DDX39B: variants seen among roughly 807,000 people sequenced by gnomAD.
The protein encoded by DDX39B is spliceosome RNA helicase DDX39B.
In DDX39B, 6 loss-of-function variants were observed where a neutral mutation model predicts 46.4. The ratio of observed to expected loss-of-function variants is 0.13; its 90% CI spans 0.07 to 0.26. The LOEUF is 0.26. DDX39B is among the 10% of genes least tolerant of loss of function. The probability of loss-of-function intolerance (pLI) is 1.00; values close to 1 mark genes in which losing one functional copy is unlikely to be tolerated. For synonymous variants in DDX39B, 174 were observed against 199.4 expected, an observed-to-expected ratio of 0.87 and a Z score of 1.07; for missense variants, 185 against 553.4, an observed-to-expected ratio of 0.33 and a Z score of 6.68.
intron 1 of DDX39B, chr6:31,541,693 G>A: frequency 1.9e-6 from 1 of 530,456 alleles, no homozygotes; most frequent in Non-Finnish European, 3.8e-6. Flanking sequence ...AATATGAGAA[G>A]AACCCATTGG....
chr6:31,540,939 G>T (rs1291995064), intron 1 of DDX39B: 1 of 414,530 alleles, frequency 2.4e-6, no homozygotes, highest in African/African-American at 2.1e-5. Context: ...TTCTTGATCT[G>T]AAAGTAACAG....
At chr6:31,532,258 A>G (rs1484989817) in intron 7 of DDX39B, among the ~76,000 whole-genome samples, 1 of 152,182 alleles carries the variant, frequency 6.6e-6, no homozygotes, top group Non-Finnish European at 1.5e-5. Flanking sequence ...GGACTTTTGG[A>G]GACAAGATCT....
At position 31,531,028 on chromosome 6, in the gene DDX39B, G is replaced by A. The variant is rs1767102309; in HGVS notation, c.1122+25C>T. On this transcript the variant is annotated intron_variant, in intron 9 of 10. Coordinates refer to ENST00000396172, the MANE Select transcript of DDX39B (RefSeq NM_004640.7). This position sits in a 1 kb window ranked among gnomAD's most constrained non-coding sequence, Gnocchi z 5.8. ...AGAAAACAAGGGAATGGGAGAGTGGGATTTTTTCAGCCTGTGAGGTTTACC... is the reference window on the plus strand; with the variant it reads ...AGAAAACAAGGGAATGGGAGAGTGGAATTTTTTCAGCCTGTGAGGTTTACC... The A allele has an allele frequency of 1.9e-6, 3 of 1,613,840 alleles. No individual in the cohort carries two copies. The African/African-American group carries it at 4.0e-5, about 22-fold the overall frequency.
At chr6:31,541,266 G>A (rs77639798) in intron 1 of DDX39B, 1 of 525,772 alleles carries the variant, frequency 1.9e-6, no homozygotes, top group African/African-American at 1.9e-5. Flanking sequence ...ATTAGCATGG[G>A]GGGGAGGGGC....
chr6:31,539,098 C>T (rs3219187), intron 3 of DDX39B, 49 bp downstream of exon 3: 1 of 1,613,524 alleles, frequency 6.2e-7, no homozygotes, highest in Non-Finnish European at 8.5e-7. Flanking sequence ...ACACCCTTCC[C>T]TTATAGTCCT....
intron 4 of DDX39B, among the ~76,000 whole-genome samples, chr6:31,537,164 G>A (rs1240728361): frequency 6.6e-6 from 1 of 152,028 alleles, no homozygotes; most frequent in African/African-American, 2.4e-5. Flanking sequence ...AGTGGCTCAC[G>A]CCTGTAATCC....
At chr6:31,539,458 T>C (rs1481953271) in intron 2 of DDX39B, among the ~76,000 whole-genome samples, 184 bp from the exon 3 acceptor site, 2 of 152,100 alleles carry the variant, frequency 1.3e-5, no homozygotes, top group African/African-American at 4.8e-5. Flanking sequence ...AAAATCAGAC[T>C]CTCCTAATTC....
Position 31,540,441 on chromosome 6 carries a change from G to C in DDX39B, c.92C>G (p.Ala31Gly), listed in dbSNP as rs375215990. 115 of 1,614,026 alleles carry C rather than the reference G, an allele frequency of 7.1e-5. 1 individual carries two copies. The highest frequency in any genetic ancestry group is 9.5e-5 in the Non-Finnish European group (112 of 1,180,038). The change falls in exon 2 of 11, where the codon GCC becomes GGC. Residue 31 changes from alanine to glycine, a missense_variant. By Grantham distance (60) the Ala-to-Gly change is moderately conservative. Transcript: ENST00000396172. ...ATAGGAGCCCTTGACATCCTTCTTG[G>C]CAGGGGCCTCAGCCCCATCTCCCCC... ...AAGGDGAEAPAKKDVKGSYVS... is the reference protein window; with the variant it reads ...AAGGDGAEAPGKKDVKGSYVS...
In DDX39B at chr6:31,534,420, A is replaced by G. The variant is rs1387408620; in HGVS notation, c.735+947T>C. ...TGCAGGGAGGGGAAGAACACACTCC[A>G]CTGCTTATGCAATTGGCCCCACCTA... is the stretch of plus-strand genomic sequence containing the variant. On this transcript the variant is annotated intron_variant, in intron 6 of 10. Coordinates refer to ENST00000396172, the MANE Select transcript of DDX39B (RefSeq NM_004640.7). The surrounding 1 kb of genome is among the most constrained non-coding windows in gnomAD (Gnocchi z 5.1). 2.1e-6 allele frequency: 1 copy of G among 465,952 alleles called. No individual in the cohort carries two copies. Among genetic ancestry groups the G allele is most frequent in the African/African-American group, 2.0e-5 (1 of 49,590 alleles). 28.9% of individuals were successfully genotyped at this position (465,952 alleles called of 1,614,324 possible).
Position 31,530,517 on chromosome 6 carries a change from G to A in DDX39B, c.1271-67C>T. On this transcript the variant is annotated intron_variant, in intron 10 of 10. Coordinates refer to ENST00000396172, the MANE Select transcript of DDX39B (RefSeq NM_004640.7). The surrounding 1 kb of genome is among the most constrained non-coding windows in gnomAD (Gnocchi z 4.5). The stretch of plus-strand genomic sequence containing the variant: ...GGGGAAAGTGAGGCAGGAACACACG[G>A]CACACATGCAGACACTGGTGTACTG... 6.2e-7 allele frequency: 1 copy of A among 1,602,732 alleles called. No homozygotes were observed. Among genetic ancestry groups the A allele is most frequent in the Non-Finnish European group, 8.5e-7 (1 of 1,171,358 alleles).
rs1203059041 is a variant in DDX39B, at chr6:31,535,051, G to C, written c.735+316C>G. The C allele has an allele frequency of 4.7e-6, 2 of 425,890 alleles. No homozygotes were observed. The highest frequency in any genetic ancestry group is 4.5e-5 in the East Asian group (1 of 22,040). The allele number at this position is 425,890 out of a possible 1,614,324, so 26.4% of individuals were successfully genotyped here. A position where few individuals can be genotyped will look rare whatever the true frequency, so the allele number is the denominator to read the frequency against. ...TGCATGTAAGAGACGATGGATGGGT[G>C]GGTGGTAGGGCAGAAAAATCCTGCC... On this transcript the variant is annotated intron_variant, in intron 6 of 10. Transcript: ENST00000396172. The surrounding 1 kb of genome is among the most constrained non-coding windows in gnomAD (Gnocchi z 4.6).
chr6:31,532,921 AGGAAGGGGGTGG>A lies in DDX39B; in HGVS notation c.736-22_736-11del. Reference sequence around the variant, plus strand: ...CGAAGATCTCCATTGGCTGGGGGGGAGGAAGGGGGTGGGGAACGGGAGGAGGGCAGAGTGGGG... The same window carrying A: ...CGAAGATCTCCATTGGCTGGGGGGGAGGAACGGGAGGAGGGCAGAGTGGGG... On this transcript the variant is annotated splice_polypyrimidine_tract_variant and intron_variant, in intron 6 of 10. Transcript: ENST00000396172. 1 of 550,624 alleles carries A rather than the reference AGGAAGGGGGTGG, an allele frequency of 1.8e-6. No individual in the cohort carries two copies. Among genetic ancestry groups the A allele is most frequent in the Non-Finnish European group, 2.7e-6 (1 of 375,192 alleles). The allele number at this position is 550,624 out of a possible 1,614,324, so 34.1% of individuals were successfully genotyped here.
rs1026793121 is a variant in DDX39B, at chr6:31,534,625, A to G, written c.735+742T>C. Reference sequence around the variant, plus strand: ...GGCACGGCACGCGTTGGGTTCAGGAAAAAAACCGGGAACGGAAAAAGAGGC... The same window carrying G: ...GGCACGGCACGCGTTGGGTTCAGGAGAAAAACCGGGAACGGAAAAAGAGGC... On this transcript the variant is annotated intron_variant, in intron 6 of 10. Transcript: ENST00000396172. The surrounding 1 kb of genome is among the most constrained non-coding windows in gnomAD (Gnocchi z 5.1). The G allele has an allele frequency of 5.3e-6, 2 of 380,150 alleles. No individual in the cohort carries two copies. Among genetic ancestry groups the G allele is most frequent in the African/African-American group, 2.1e-5 (1 of 46,902 alleles). 23.5% of individuals were successfully genotyped at this position (380,150 alleles called of 1,614,324 possible).
intron 2 of DDX39B, 112 bp downstream of exon 2, chr6:31,540,210 T>G (rs12665489): frequency 0.022 from 27,280 of 1,222,924 alleles, 728 homozygotes; most frequent in South Asian, 0.1. Context: ...CACCTGGCCC[T>G]GATCTAGCCT....
At chr6:31,540,246 G>C (rs1768255161) in intron 2 of DDX39B, 76 bp downstream of exon 2, 2 of 1,498,670 alleles carry the variant, frequency 1.3e-6, no homozygotes, top group Non-Finnish European at 1.9e-6. Context: ...ACCACCACCT[G>C]AGCAACGACA....
chr6:31,531,396 A>G lies in DDX39B; in HGVS notation c.877T>C (p.Phe293Leu). 1 of 1,614,016 alleles carries G rather than the reference A, an allele frequency of 6.2e-7. No homozygotes were observed. The highest frequency in any genetic ancestry group is 8.5e-7 in the Non-Finnish European group (1 of 1,179,992). ...DVLEFNQVVI[F>L]VKSVQRCIAL... ...ATGCACCGCTGCACAGACTTCACAA[A>G]GATCACCACCTGTTGTGGGGTGGGG... is the stretch of plus-strand genomic sequence containing the variant. The change falls in exon 8 of 11, where the codon TTT (phenylalanine) becomes CTT (leucine). Residue 293 changes from phenylalanine (F) to leucine (L), a missense_variant. By Grantham distance (22) the Phe-to-Leu change is conservative. This residue lies in a region of DDX39B where 110 missense variants were observed against 282.2 expected (regional missense o/e 0.39). Transcript: ENST00000396172. This position sits in a 1 kb window ranked among gnomAD's most constrained non-coding sequence, Gnocchi z 5.8.
At chr6:31,539,657 G>C (rs528443183) in intron 2 of DDX39B, among the ~76,000 whole-genome samples, 1 of 152,124 alleles carries the variant, frequency 6.6e-6, no homozygotes, top group Non-Finnish European at 1.5e-5. Context: ...TTCGGGTCAC[G>C]TAACTACTAC....
In DDX39B at chr6:31,536,547, A is replaced by C; in HGVS notation, c.569T>G (p.Ile190Ser). ...ARNKSLNLKH[I>S]KHFILDECDK... is the part of the protein sequence containing the mutation. ...ACATTCATCCAAAATAAAGTGTTTA[A>C]TGTGTTTGAGGTTGAGGCTCTTATT... Residue 190 changes from isoleucine to serine, a missense_variant, in exon 5 of 11, where the codon ATT becomes AGT. This residue lies in a region of DDX39B where 110 missense variants were observed against 282.2 expected (regional missense o/e 0.39). Transcript: ENST00000396172. 6.2e-7 allele frequency: 1 copy of C among 1,613,256 alleles called. No individual in the cohort carries two copies. The highest frequency in any genetic ancestry group is 8.5e-7 in the Non-Finnish European group (1 of 1,180,044).
intron 4 of DDX39B, among the ~76,000 whole-genome samples, chr6:31,537,701 G>A (rs1767937923): frequency 1.3e-5 from 2 of 152,042 alleles, no homozygotes; most frequent in Non-Finnish European, 2.9e-5. Flanking sequence ...GAACAACTGT[G>A]GAATCAGACT....
Sources: allele counts gnomAD v4.1 joint callset (sites outside exome capture counted in the v4.1 genomes callset), GRCh38; gene constraint gnomAD v4.1.1; regional missense constraint gnomAD v4.1.1; non-coding constraint Gnocchi (gnomAD v3.1); transcripts MANE v1.5; gene names NCBI Gene and HGNC (gene_info 2026-07-23, HGNC 2026-07-21).